The following NKAIN3 variants were observed in gnomAD, a reference collection of about 807,000 sequenced individuals.
The protein encoded by NKAIN3 is sodium/potassium transporting ATPase interacting 3.
NKAIN3 carries 25 observed loss-of-function variants against 30.2 expected under a neutral mutation model. That is an observed-to-expected ratio of 0.83 (90% CI 0.60 to 1.16). The LOEUF (loss-of-function observed/expected upper bound fraction) is 1.16, where lower values mean the gene tolerates loss of function less well. Among genes scored for constraint, NKAIN3 ranks in the 50% most tolerant of loss-of-function variants. The pLI is 0.00. For missense variants in NKAIN3, 225 were observed against 254.1 expected, an observed-to-expected ratio of 0.89 and a Z score of 0.78; for synonymous variants, 91 against 89.6, an observed-to-expected ratio of 1.02 and a Z score of -0.09.
intron 1 of NKAIN3, among the ~76,000 whole-genome samples, chr8:62,250,565 G>A (rs545621590): frequency 6.6e-6 from 1 of 152,326 alleles, no homozygotes; most frequent in South Asian, 2.1e-4. Context: ...TAAACATTGA[G>A]TCAACCCTTG....
chr8:62,805,178 C>A (rs1394974142), intron 4 of NKAIN3, among the ~76,000 whole-genome samples: 3 of 151,908 alleles, frequency 2.0e-5, no homozygotes, highest in Non-Finnish European at 4.4e-5. Context: ...AAGAACATTC[C>A]ATGCTCATGG....
rs60849905 is a variant in NKAIN3 at position 62,369,754 on chromosome 8, A to G, written c.54+120627A>G. On this transcript the variant is annotated intron_variant, in intron 1 of 6. Coordinates refer to ENST00000623646, the MANE Select transcript of NKAIN3 (RefSeq NM_001304533.3). ...AGGGGGATTATTTGAACTCCCCCCA[A>G]GTCTGTTGTTTTTTTTTTTAAGAGA... Among the ~76,000 whole-genome samples the G allele has an allele frequency of 2.3e-3, 347 of 151,626 alleles. 3 individuals carry two copies. The highest frequency in any genetic ancestry group is 7.4e-3 in the African/African-American group (307 of 41,428).
intron 3 of NKAIN3, among the ~76,000 whole-genome samples, chr8:62,715,387 C>T (rs1473423903): frequency 6.6e-6 from 1 of 152,166 alleles, no homozygotes; most frequent in East Asian, 1.9e-4. Flanking sequence ...CTTCTCTGCT[C>T]CTTGTGGGCT....
intron 1 of NKAIN3, among the ~76,000 whole-genome samples, chr8:62,340,979 T>C (rs568585374): frequency 2.0e-5 from 3 of 152,256 alleles, no homozygotes; most frequent in Admixed American, 6.5e-5. Flanking sequence ...TTGTATTTTA[T>C]GTGCTGCCCA....
intron 4 of NKAIN3, among the ~76,000 whole-genome samples, chr8:62,868,499 G>T (rs1478402780): frequency 6.6e-6 from 1 of 152,110 alleles, no homozygotes; most frequent in Non-Finnish European, 1.5e-5. Context: ...GAGAATTTTT[G>T]CTTGGATTAA....
At chr8:62,880,936 C>T (rs1563609987) in intron 4 of NKAIN3, among the ~76,000 whole-genome samples, 1 of 152,194 alleles carries the variant, frequency 6.6e-6, no homozygotes, top group Non-Finnish European at 1.5e-5. Flanking sequence ...CCCACATATG[C>T]ACAGCTTTCC....
intron 5 of NKAIN3, among the ~76,000 whole-genome samples, chr8:62,997,149 A>C (rs970527204): frequency 7.2e-5 from 11 of 152,064 alleles, no homozygotes; most frequent in Non-Finnish European, 1.5e-4. Context: ...AGGCAATAGA[A>C]CTGTTTACTG....
intron 1 of NKAIN3, among the ~76,000 whole-genome samples, chr8:62,320,413 G>A (rs1458776259): frequency 1.3e-5 from 2 of 152,234 alleles, no homozygotes; most frequent in African/African-American, 2.4e-5. Flanking sequence ...AGTTGATGCA[G>A]TTTCTTCCTA....
At chr8:62,377,190 C>T (rs1013341171) in intron 1 of NKAIN3, among the ~76,000 whole-genome samples, 3 of 152,084 alleles carry the variant, frequency 2.0e-5, no homozygotes, top group African/African-American at 4.8e-5. Flanking sequence ...GTTGATTGCT[C>T]AAAATTATGC....
At position 62,976,736 on chromosome 8, in the gene NKAIN3, T is replaced by C. The variant is rs538308795; in HGVS notation, c.*11329T>C. 6.6e-6 allele frequency among the ~76,000 whole-genome samples: 1 copy of C among 152,372 alleles called. No individual in the cohort carries two copies. The highest frequency in any genetic ancestry group is 6.5e-5 in the Admixed American group (1 of 15,312). On this transcript the variant is annotated 3_prime_UTR_variant, in exon 7 of 7. Transcript: ENST00000623646. ...TTGATTCTGTCATTATGATGATAGC[T>C]GGTTATTTTGCCCATTAGTTGATGC...
At chr8:62,837,939 G>T (rs1417903837) in intron 4 of NKAIN3, among the ~76,000 whole-genome samples, 1 of 152,018 alleles carries the variant, frequency 6.6e-6, no homozygotes, top group African/African-American at 2.4e-5. Context: ...TGCATTAGTT[G>T]TATAGTCTGG....
intron 2 of NKAIN3, among the ~76,000 whole-genome samples, chr8:62,584,710 C>G (rs749169511): frequency 2.0e-5 from 3 of 152,192 alleles, no homozygotes; most frequent in African/African-American, 7.2e-5. Context: ...CTTGGAAAAC[C>G]TTTAATAATC....
intron 4 of NKAIN3, among the ~76,000 whole-genome samples, chr8:62,795,550 T>A (rs1186371897): frequency 6.6e-6 from 1 of 152,160 alleles, no homozygotes; most frequent in Non-Finnish European, 1.5e-5. Context: ...TATAGAACGT[T>A]CAGCTAGAAG....
At chr8:62,792,849 G>A (rs1817746869) in intron 4 of NKAIN3, among the ~76,000 whole-genome samples, 1 of 152,118 alleles carries the variant, frequency 6.6e-6, no homozygotes, top group Admixed American at 6.6e-5. Flanking sequence ...GTACATTCAG[G>A]TGAGTGAAAT....
chr8:62,492,869 A>G (rs1807116307), intron 1 of NKAIN3, among the ~76,000 whole-genome samples: 1 of 151,870 alleles, frequency 6.6e-6, no homozygotes, highest in African/African-American at 2.4e-5. Flanking sequence ...ACCAATTTAC[A>G]CTCCCACCAA....
chr8:62,667,373 A>T (rs868043361), intron 3 of NKAIN3, among the ~76,000 whole-genome samples: 2 of 145,552 alleles, frequency 1.4e-5, no homozygotes, highest in South Asian at 4.2e-4. Flanking sequence ...ATATATATAT[A>T]TAAATATATA....
chr8:62,292,768 T>A (rs1813692647), intron 1 of NKAIN3, among the ~76,000 whole-genome samples: 2 of 152,220 alleles, frequency 1.3e-5, no homozygotes, highest in Admixed American at 6.5e-5. Context: ...TTCCTGAATT[T>A]GAATGTTGGC....
intron 1 of NKAIN3, among the ~76,000 whole-genome samples, chr8:62,259,127 G>A (rs1812351832): frequency 6.6e-6 from 1 of 152,116 alleles, no homozygotes; most frequent in Non-Finnish European, 1.5e-5. Context: ...TATGCAATGG[G>A]AGAATAAATA....
chr8:62,334,262 G>C (rs1176152060), intron 1 of NKAIN3, among the ~76,000 whole-genome samples: 3 of 152,082 alleles, frequency 2.0e-5, no homozygotes, highest in Admixed American at 6.6e-5. Flanking sequence ...CTTGGAGCTA[G>C]AAGTCCAGAA....
Sources: gnomAD v4.1 joint callset for allele counts (sites outside exome capture counted in the v4.1 genomes callset) on GRCh38, gnomAD v4.1.1 for gene constraint, MANE v1.5 for transcripts, NCBI Gene and HGNC (gene_info 2026-07-23, HGNC 2026-07-21) for gene names.